The following HEATR5A variants were observed in gnomAD, a reference collection of about 807,000 sequenced individuals.
HEATR5A encodes the protein HEAT repeat containing 5A.
Under a neutral mutation model 218.8 loss-of-function variants are expected in HEATR5A, and 178 were observed. That is an observed-to-expected ratio of 0.81 (90% CI 0.72 to 0.92). HEATR5A has a LOEUF of 0.92. HEATR5A is among the 40% of genes least tolerant of loss of function. HEATR5A has a pLI of 0.00. For synonymous variants in HEATR5A, 864 were observed against 871.6 expected (o/e 0.99, Z 0.15); for missense variants, 2,420 against 2,418.9 (o/e 1.00, Z -0.01).
chr14:31,395,433 GA>G, intron 4 of HEATR5A, 85 bp from the exon 5 acceptor site: 1 of 652,836 alleles, frequency 1.5e-6, no homozygotes, highest in Admixed American at 2.9e-5. Flanking sequence ...CTCTCATACT[GA>G]AGAAATATCC....
At position 31,308,014 on chromosome 14, in the gene HEATR5A, C is replaced by T. The variant is rs749488347; in HGVS notation, c.4697G>A (p.Ser1566Asn). ...TDRFHLILGI[S>N]VEFLCSLRSD... The stretch of plus-strand genomic sequence containing the variant: ...ACGTAAGGAACATAGAAATTCCACG[C>T]TGATTCCTGTGGAAAGCAAAAAAAG... Residue 1566 changes from serine to asparagine, a missense_variant, in exon 30 of 36, where the codon AGC becomes AAC. Physicochemically the swap from Ser to Asn is conservative, Grantham distance 46. Transcript: ENST00000543095. 1.2e-6 allele frequency: 2 copies of T among 1,606,730 alleles called. No individual in the cohort carries two copies. The highest frequency in any genetic ancestry group is 1.1e-5 in the South Asian group (1 of 88,664).
chr14:31,356,321 C>G (rs907346515), intron 16 of HEATR5A, among the ~76,000 whole-genome samples: 2 of 152,188 alleles, frequency 1.3e-5, no homozygotes, highest in East Asian at 3.8e-4. Context: ...ACTGCAACCT[C>G]TAACTCCCAG....
intron 1 of HEATR5A, among the ~76,000 whole-genome samples, chr14:31,413,766 G>A (rs565264160): frequency 6.6e-6 from 1 of 152,260 alleles, no homozygotes; most frequent in Non-Finnish European, 1.5e-5. Flanking sequence ...TTTGTCCGAG[G>A]CTGAAATGCT....
intron 15 of HEATR5A, 24 bp from the exon 16 acceptor site, chr14:31,358,836 A>C: frequency 6.2e-7 from 1 of 1,610,624 alleles, no homozygotes; most frequent in Non-Finnish European, 8.5e-7. Context: ...AAAGTATATA[A>C]GGTTTTAAAA....
chr14:31,371,799 T>C lies in HEATR5A; in HGVS notation c.1961+11A>G, dbSNP rs1471795013. ...GAGGGCAACTATCAAATCTAAACAG[T>C]CGATGCTTACTGAGTTAGCAAATCC... On this transcript the variant is annotated intron_variant, in intron 13 of 35. Transcript: ENST00000543095. 1.4e-6 allele frequency: 2 copies of C among 1,387,342 alleles called. No homozygotes were observed. Among genetic ancestry groups the C allele is most frequent in the South Asian group, 1.3e-5 (1 of 74,386 alleles). The allele number at this position is 1,387,342 out of a possible 1,614,324, so 85.9% of individuals were successfully genotyped here. A position where few individuals can be genotyped will look rare whatever the true frequency, so the allele number is the denominator to read the frequency against.
chr14:31,336,211 T>TACACACAC (rs776727980), intron 22 of HEATR5A, among the ~76,000 whole-genome samples: 71 of 10,724 alleles, frequency 6.6e-3, no homozygotes, highest in African/African-American at 0.018. Flanking sequence ...TATATATACA[T>TACACACAC]ACATACATAT....
chr14:31,330,747 C>T lies in HEATR5A; in HGVS notation c.3368-4405G>A, dbSNP rs563114311. On this transcript the variant is annotated intron_variant, in intron 22 of 35. Coordinates refer to ENST00000543095, the MANE Select transcript of HEATR5A (RefSeq NM_015473.4). Reference sequence around the variant, plus strand: ...CAGAGCTTGCAGTGAGCCAAGATTGCGCCACTGTGCTCCAGCCTGGGCGAC... The same window carrying T: ...CAGAGCTTGCAGTGAGCCAAGATTGTGCCACTGTGCTCCAGCCTGGGCGAC... Among the ~76,000 whole-genome samples, 129 of 151,348 alleles carry T rather than the reference C, an allele frequency of 8.5e-4. 1 individual carries two copies. The highest frequency in any genetic ancestry group is 3.0e-3 in the East Asian group (15 of 4,966).
chr14:31,327,250 T>C (rs1320058110), intron 22 of HEATR5A, among the ~76,000 whole-genome samples: 1 of 150,218 alleles, frequency 6.7e-6, no homozygotes, highest in African/African-American at 2.5e-5. Flanking sequence ...GCTGGGATTA[T>C]AGGCGTTGAG....
intron 12 of HEATR5A, 36 bp from the exon 13 acceptor site, chr14:31,371,945 G>A: frequency 1.9e-6 from 2 of 1,029,540 alleles, no homozygotes; most frequent in South Asian, 1.5e-5. Flanking sequence ...TGGGCATACT[G>A]TAATCAACCA....
chr14:31,325,718 G>A (rs981659079), intron 23 of HEATR5A, among the ~76,000 whole-genome samples: 14 of 151,856 alleles, frequency 9.2e-5, no homozygotes, highest in Admixed American at 3.9e-4. Flanking sequence ...GTTTTGCCAC[G>A]TTGCCCAGGC....
chr14:31,349,283 G>A (rs1297699698), intron 18 of HEATR5A, among the ~76,000 whole-genome samples: 1 of 152,004 alleles, frequency 6.6e-6, no homozygotes, highest in Non-Finnish European at 1.5e-5. Context: ...AGCTACTCGC[G>A]AGGCTGAGGC....
intron 16 of HEATR5A, among the ~76,000 whole-genome samples, chr14:31,351,520 A>C (rs1595126531): frequency 2.0e-5 from 3 of 150,546 alleles, no homozygotes; most frequent in East Asian, 2.0e-4. Context: ...AAAAAAAAAA[A>C]ACAATAAAAA....
intron 27 of HEATR5A, among the ~76,000 whole-genome samples, chr14:31,313,465 G>A (rs1899820898): frequency 6.6e-6 from 1 of 152,108 alleles, no homozygotes; most frequent in Non-Finnish European, 1.5e-5. Flanking sequence ...TTATATCACG[G>A]CACTCTTTCT....
chr14:31,347,744 C>G lies in HEATR5A; in HGVS notation c.2868+4G>C, dbSNP rs1289609421. The stretch of plus-strand genomic sequence containing the variant: ...TCAAGGGAAGTATCACATGAGGTAC[C>G]CACCTGCACATCAGGAGAAGTGCTG... On this transcript the variant is annotated splice_donor_region_variant and intron_variant, in intron 19 of 35. Transcript: ENST00000543095. 1.9e-6 allele frequency: 3 copies of G among 1,574,160 alleles called. No homozygotes were observed. The highest frequency in any genetic ancestry group is 1.9e-5 in the Admixed American group (1 of 52,214).
At chr14:31,305,262 A>G (rs775774935) in intron 31 of HEATR5A, 85 bp from the exon 32 acceptor site, 2 of 1,391,380 alleles carry the variant, frequency 1.4e-6, no homozygotes, top group Non-Finnish European at 2.0e-6. Flanking sequence ...TACAGGAAAT[A>G]CATGTATTTT....
At chr14:31,351,159 A>G (rs549115758) in intron 16 of HEATR5A, among the ~76,000 whole-genome samples, 1 of 152,328 alleles carries the variant, frequency 6.6e-6, no homozygotes, top group African/African-American at 2.4e-5. Context: ...GCACATTCCA[A>G]TAACTGGAAA....
intron 32 of HEATR5A, among the ~76,000 whole-genome samples, chr14:31,304,510 C>T (rs112550321): frequency 0.014 from 2,125 of 152,210 alleles, 36 homozygotes; most frequent in African/African-American, 0.043. Context: ...CTCCGCCTCC[C>T]GGGTTCAAGC....
intron 13 of HEATR5A, among the ~76,000 whole-genome samples, chr14:31,364,824 A>G (rs879574545): frequency 4.6e-5 from 7 of 152,160 alleles, no homozygotes; most frequent in African/African-American, 9.7e-5. Flanking sequence ...TCACTTTACC[A>G]ATGCTCATTC....
Position 31,348,049 on chromosome 14 carries a change from T to C in HEATR5A, c.2709-142A>G, listed in dbSNP as rs1020247479. ...TAGAAATACATTTTTGGCTAACTAA[T>C]AAAAACTTCTGAAGTAACCGAAAGG... On this transcript the variant is annotated intron_variant, in intron 18 of 35. Coordinates refer to ENST00000543095, the MANE Select transcript of HEATR5A (RefSeq NM_015473.4). 4 of 477,538 alleles carry C rather than the reference T, an allele frequency of 8.4e-6. No individual in the cohort carries two copies. The Admixed American group carries it at 1.6e-4, about 19-fold the overall frequency. The allele number at this position is 477,538 out of a possible 1,614,324, so 29.6% of individuals were successfully genotyped here.
Sources: allele counts gnomAD v4.1 joint callset (sites outside exome capture counted in the v4.1 genomes callset), GRCh38; gene constraint gnomAD v4.1.1; transcripts MANE v1.5; gene names NCBI Gene and HGNC (gene_info 2026-07-23, HGNC 2026-07-21).